MSRA: variants seen among roughly 807,000 people sequenced by gnomAD.
MSRA encodes the protein methionine sulfoxide reductase A, also known as mitochondrial peptide methionine sulfoxide reductase.
MSRA carries 54 observed loss-of-function variants against 31.3 expected under a neutral mutation model. That is an observed-to-expected ratio of 1.73 (90% confidence interval 1.39 to 2.17). The LOEUF (loss-of-function observed/expected upper bound fraction) is 2.17. Ranked by LOEUF, MSRA falls within the 30% of genes most tolerant of loss-of-function variation. MSRA has a pLI of 0.00. For synonymous variants in MSRA, 169 were observed against 116.5 expected (o/e 1.45, Z -2.90); for missense variants, 507 against 300.9 (o/e 1.69, Z -5.07).
chr8:10,283,836 TACACACACACACACACACACACACAC>T (rs372503609), intron 3 of MSRA, among the ~76,000 whole-genome samples: 1 of 53,162 alleles, frequency 1.9e-5, no homozygotes, highest in Non-Finnish European at 3.2e-5. Context: ...TATATATATA[TACACACACACACACACACACACACAC>T]ACACACATAT....
At chr8:10,288,935 C>G (rs995416098) in intron 3 of MSRA, among the ~76,000 whole-genome samples, 1 of 151,594 alleles carries the variant, frequency 6.6e-6, no homozygotes, top group African/African-American at 2.4e-5. Context: ...ATGGTGCAAG[C>G]AGCCACGGTG....
At chr8:10,343,032 C>G (rs1030944711) in intron 5 of MSRA, among the ~76,000 whole-genome samples, 18 of 102,948 alleles carry the variant, frequency 1.7e-4, no homozygotes, top group Non-Finnish European at 3.0e-4. Context: ...CACACACACA[C>G]ACACACACAC....
intron 5 of MSRA, chr8:10,337,655 T>C (rs942550865): frequency 7.2e-6 from 5 of 694,308 alleles, no homozygotes; most frequent in African/African-American, 7.0e-5. Flanking sequence ...CTTGATAGTG[T>C]CATCCGGTGA....
chr8:10,256,775 C>A (rs1447735152), intron 3 of MSRA, among the ~76,000 whole-genome samples: 1 of 152,042 alleles, frequency 6.6e-6, no homozygotes, highest in African/African-American at 2.4e-5. Context: ...TCTGTCCCCC[C>A]GAGGCGAAGC....
chr8:10,425,564 T>C (rs1055377230), intron 5 of MSRA, among the ~76,000 whole-genome samples: 3 of 152,180 alleles, frequency 2.0e-5, no homozygotes, highest in Admixed American at 6.5e-5. Flanking sequence ...TCCTTGTGCC[T>C]AGGAGGACAG....
intron 5 of MSRA, among the ~76,000 whole-genome samples, chr8:10,339,563 A>T (rs529975241): frequency 1.0e-5 from 1 of 98,528 alleles, no homozygotes; most frequent in Non-Finnish European, 1.8e-5. Flanking sequence ...TTTTTCTGAG[A>T]CGGAATCTCG....
At chr8:10,394,548 C>A (rs1445168288) in intron 5 of MSRA, among the ~76,000 whole-genome samples, 2 of 152,238 alleles carry the variant, frequency 1.3e-5, no homozygotes, top group Non-Finnish European at 2.9e-5. Flanking sequence ...ATTCCCTGAG[C>A]AGCTCTGTCA....
intron 2 of MSRA, among the ~76,000 whole-genome samples, chr8:10,237,913 G>A (rs1446316846): frequency 1.3e-5 from 2 of 152,098 alleles, no homozygotes; most frequent in Admixed American, 1.3e-4. Flanking sequence ...ATCTGTGCTT[G>A]GTTCACTCTA....
At chr8:10,170,042 A>ATTT (rs59946635) in intron 1 of MSRA, among the ~76,000 whole-genome samples, 980 of 89,962 alleles carry the variant, frequency 0.011, 46 homozygotes, top group African/African-American at 0.038. Context: ...CCTGGCTAAT[A>ATTT]TTTTTTTTTT....
intron 2 of MSRA, among the ~76,000 whole-genome samples, chr8:10,221,686 A>G (rs1810514766): frequency 6.6e-6 from 1 of 152,212 alleles, no homozygotes; most frequent in Non-Finnish European, 1.5e-5. Flanking sequence ...TGTAAAGCAT[A>G]TGGCATGTCA....
At chr8:10,113,414 G>T (rs1800446864) in intron 1 of MSRA, among the ~76,000 whole-genome samples, 1 of 149,316 alleles carries the variant, frequency 6.7e-6, no homozygotes, top group African/African-American at 2.5e-5. Flanking sequence ...GGGCACAGGG[G>T]TTAGCCTGAA....
At chr8:10,332,889 G>C (rs1053053315) in intron 5 of MSRA, among the ~76,000 whole-genome samples, 2 of 152,234 alleles carry the variant, frequency 1.3e-5, no homozygotes, top group Non-Finnish European at 2.9e-5. Context: ...TGGTTTGTAT[G>C]ACTGCCCTCT....
chr8:10,125,393 A>C (rs1801426030), intron 1 of MSRA, among the ~76,000 whole-genome samples: 1 of 152,180 alleles, frequency 6.6e-6, no homozygotes, highest in African/African-American at 2.4e-5. Context: ...GCCTGGAAGG[A>C]GGAGCAGGAG....
chr8:10,388,338 T>G (rs1048185227), intron 5 of MSRA, among the ~76,000 whole-genome samples: 5 of 152,226 alleles, frequency 3.3e-5, no homozygotes, highest in Non-Finnish European at 5.9e-5. Flanking sequence ...CACCCCCGTC[T>G]TCCTGGTACA....
At chr8:10,176,238 C>A (rs1444624690) in intron 1 of MSRA, among the ~76,000 whole-genome samples, 2 of 152,224 alleles carry the variant, frequency 1.3e-5, no homozygotes, top group Admixed American at 6.5e-5. Flanking sequence ...TTCAGGAGAG[C>A]CTGCCTGTGG....
chr8:10,148,574 G>A (rs1203358697), intron 1 of MSRA, among the ~76,000 whole-genome samples: 1 of 151,792 alleles, frequency 6.6e-6, no homozygotes, highest in South Asian at 2.1e-4. Context: ...TTGAACCTGG[G>A]AGGCAGAGGT....
At chr8:10,055,579 T>C (rs1473288023) in intron 1 of MSRA, among the ~76,000 whole-genome samples, 1 of 152,230 alleles carries the variant, frequency 6.6e-6, no homozygotes, top group Non-Finnish European at 1.5e-5. Context: ...CAACAATCTC[T>C]AAAACAAGTC....
chr8:10,326,851 C>G (rs1802391259), intron 5 of MSRA, among the ~76,000 whole-genome samples: 1 of 152,342 alleles, frequency 6.6e-6, no homozygotes, highest in East Asian at 1.9e-4. Context: ...GTATCCTAAA[C>G]TGAATGTGGC....
chr8:10,136,234 G>T (rs1488135189), intron 1 of MSRA, among the ~76,000 whole-genome samples: 1 of 152,178 alleles, frequency 6.6e-6, no homozygotes, highest in East Asian at 1.9e-4. Flanking sequence ...ATTGGTGAAG[G>T]GAGCCAGGCA....
Sources: allele counts gnomAD v4.1 joint callset (sites outside exome capture counted in the v4.1 genomes callset), GRCh38; gene constraint gnomAD v4.1.1; transcripts MANE v1.5; gene names NCBI Gene and HGNC (gene_info 2026-07-23, HGNC 2026-07-21).